The following ADAMTS2 variants were observed in gnomAD, a reference collection of about 807,000 sequenced individuals.
The protein encoded by ADAMTS2 is ADAM metallopeptidase with thrombospondin type 1 motif 2, also known as A disintegrin and metalloproteinase with thrombospondin motifs 2.
In ADAMTS2, 50 loss-of-function variants were observed where a neutral mutation model predicts 123.0. The ratio of observed to expected loss-of-function variants is 0.41; its 90% CI spans 0.32 to 0.51. The LOEUF is 0.51. ADAMTS2 is among the 20% of genes least tolerant of loss of function. The probability of loss-of-function intolerance (pLI) is 0.35; values close to 1 mark genes in which losing one functional copy is unlikely to be tolerated. For missense variants in ADAMTS2, 1,494 were observed against 1,705.2 expected, an observed-to-expected ratio of 0.88 and a Z score of 2.18; for synonymous variants, 678 against 695.4, an observed-to-expected ratio of 0.98 and a Z score of 0.39.
chr5:179,292,184 G>C (rs71611484), intron 2 of ADAMTS2, among the ~76,000 whole-genome samples: 13,173 of 151,926 alleles, frequency 0.087, 636 homozygotes, highest in East Asian at 0.15. Context: ...CGGCATTCCC[G>C]GGGGCAGAGA....
chr5:179,177,090 T>A (rs748098607), intron 5 of ADAMTS2, among the ~76,000 whole-genome samples: 1 of 152,200 alleles, frequency 6.6e-6, no homozygotes, highest in Non-Finnish European at 1.5e-5. Flanking sequence ...CTGGAAGCGG[T>A]CCCCTGAGGA....
rs1762570805 is a variant in ADAMTS2 at position 179,111,701 on chromosome 5, G to C, written c.*2166C>G. 6.6e-6 allele frequency: 1 copy of C among 152,260 alleles called. No homozygotes were observed. Among genetic ancestry groups the C allele is most frequent in the Non-Finnish European group, 1.5e-5 (1 of 68,058 alleles). 9.4% of individuals were successfully genotyped at this position (152,260 alleles called of 1,614,324 possible). ...GAGGCCCCTAGGCTGGGTAAACCGA[G>C]TCATACTCTCTGCCTAGCGTTAGTC... On this transcript the variant is annotated 3_prime_UTR_variant, in exon 22 of 22. Coordinates refer to ENST00000251582, the MANE Select transcript of ADAMTS2 (RefSeq NM_014244.5).
At chr5:179,258,981 C>T (rs1043500901) in intron 3 of ADAMTS2, among the ~76,000 whole-genome samples, 13 of 152,300 alleles carry the variant, frequency 8.5e-5, no homozygotes, top group East Asian at 7.7e-4. Flanking sequence ...TGATCCAGGC[C>T]GCAGTCTCTC....
intron 5 of ADAMTS2, among the ~76,000 whole-genome samples, chr5:179,167,525 C>T (rs1049291993): frequency 7.9e-5 from 12 of 152,244 alleles, no homozygotes; most frequent in Admixed American, 5.9e-4. Context: ...GTCAAGGAGA[C>T]GTGGGAGGAA....
chr5:179,140,787 C>T (rs571346023), intron 10 of ADAMTS2, among the ~76,000 whole-genome samples: 13 of 123,808 alleles, frequency 1.1e-4, no homozygotes, highest in Admixed American at 4.0e-4. Flanking sequence ...CCTTCAGTTC[C>T]GACTGCATGC....
At position 179,128,146 on chromosome 5, in the gene ADAMTS2, C is replaced by A; in HGVS notation, c.2458-28G>T. The A allele has an allele frequency of 6.2e-7, 1 of 1,610,870 alleles. No individual in the cohort carries two copies. Among genetic ancestry groups the A allele is most frequent in the Non-Finnish European group, 8.5e-7 (1 of 1,179,810 alleles). ...GTGCCAGCCCAAGAGCCTTGATGTG[C>A]CTGACCTGCCCTCCATGCTTCCTCC... On this transcript the variant is annotated intron_variant, in intron 16 of 21. Coordinates refer to ENST00000251582, the MANE Select transcript of ADAMTS2 (RefSeq NM_014244.5). This position sits in a 1 kb window ranked among gnomAD's most constrained non-coding sequence, Gnocchi z 4.9.
chr5:179,309,862 G>T (rs1441391580), intron 2 of ADAMTS2, among the ~76,000 whole-genome samples: 1 of 151,992 alleles, frequency 6.6e-6, no homozygotes, highest in Non-Finnish European at 1.5e-5. Context: ...CATAGGGGAG[G>T]AGCTCTGAGG....
intron 2 of ADAMTS2, among the ~76,000 whole-genome samples, chr5:179,330,529 GAGA>G (rs1757453965): frequency 6.6e-6 from 1 of 152,340 alleles, no homozygotes; most frequent in African/African-American, 2.4e-5. Flanking sequence ...GCTCTGCAAA[GAGA>G]AGAACGCAGC....
Position 179,225,112 on chromosome 5 carries a change from C to T in ADAMTS2, c.689-17397G>A, listed in dbSNP as rs760576114. ...AATCCTCACGCAGGGGCCTGAGGAACACTCCCTGGTTATCCACACGGCAAC... is the reference window on the plus strand; with the variant it reads ...AATCCTCACGCAGGGGCCTGAGGAATACTCCCTGGTTATCCACACGGCAAC... On this transcript the variant is annotated intron_variant, in intron 3 of 21. Coordinates refer to ENST00000251582, the MANE Select transcript of ADAMTS2 (RefSeq NM_014244.5). This position sits in a 1 kb window ranked among gnomAD's most constrained non-coding sequence, Gnocchi z 4.5. 3.3e-5 allele frequency among the ~76,000 whole-genome samples: 5 copies of T among 152,174 alleles called. No homozygotes were observed. The highest frequency in any genetic ancestry group is 7.3e-5 in the Non-Finnish European group (5 of 68,036).
chr5:179,344,273 C>A, intron 1 of ADAMTS2, 112 bp from the exon 2 acceptor site: 1 of 1,394,624 alleles, frequency 7.2e-7, no homozygotes, highest in Non-Finnish European at 9.7e-7. Context: ...AGGGAAGGGG[C>A]ATTCCGCCAG....
chr5:179,136,775 C>T (rs1489958780), intron 12 of ADAMTS2, among the ~76,000 whole-genome samples: 2 of 151,332 alleles, frequency 1.3e-5, no homozygotes, highest in South Asian at 4.2e-4. Context: ...TGGAGACCAT[C>T]CTGGCTAACA....
chr5:179,319,116 CACAT>C (rs1408102800), intron 2 of ADAMTS2, among the ~76,000 whole-genome samples: 5 of 152,152 alleles, frequency 3.3e-5, no homozygotes, highest in Non-Finnish European at 7.4e-5. Context: ...TGCATGCACC[CACAT>C]ACAAATGTCC....
At chr5:179,283,986 T>TTATTATTAC (rs1755924705) in intron 2 of ADAMTS2, among the ~76,000 whole-genome samples, 1 of 146,678 alleles carries the variant, frequency 6.8e-6, no homozygotes, top group African/African-American at 2.5e-5. Context: ...ATTATTATTA[T>TTATTATTAC]TATTTTGGAG....
At chr5:179,344,302 C>T in intron 1 of ADAMTS2, 141 bp from the exon 2 acceptor site, 2 of 1,137,362 alleles carry the variant, frequency 1.8e-6, no homozygotes, top group East Asian at 5.2e-5. Flanking sequence ...AGAAGCCAGC[C>T]TGCACCTCCC....
rs1338378968 is a variant in ADAMTS2, at chr5:179,136,521, T to C, written c.1952-479A>G. 3.3e-5 allele frequency among the ~76,000 whole-genome samples: 5 copies of C among 150,118 alleles called. No homozygotes were observed. The East Asian group carries it at 9.9e-4, about 30-fold the overall frequency. On this transcript the variant is annotated intron_variant, in intron 12 of 21. Transcript: ENST00000251582. ...CTCTACTAAAAATACAAAAATTAGC[T>C]GGGTGTGGTGGTGAGCGCCTGTAAT...
At chr5:179,325,854 G>A (rs923578918) in intron 2 of ADAMTS2, among the ~76,000 whole-genome samples, 1 of 150,978 alleles carries the variant, frequency 6.6e-6, no homozygotes, top group Middle Eastern at 3.4e-3. Flanking sequence ...GGGATGGCCT[G>A]TGGGAGGGAC....
At chr5:179,296,891 T>G (rs781718713) in intron 2 of ADAMTS2, among the ~76,000 whole-genome samples, 1 of 151,986 alleles carries the variant, frequency 6.6e-6, no homozygotes, top group Non-Finnish European at 1.5e-5. Context: ...CAGACTGAGA[T>G]GGAACAAACA....
intron 17 of ADAMTS2, 59 bp from the exon 18 acceptor site, chr5:179,126,189 A>G (rs1272495779): frequency 1.2e-6 from 2 of 1,607,842 alleles, no homozygotes; most frequent in African/African-American, 2.7e-5. Context: ...CGAGGGTGCA[A>G]GGAGGGGTGG....
At chr5:179,245,463 G>C (rs1195070007) in intron 3 of ADAMTS2, among the ~76,000 whole-genome samples, 1 of 152,156 alleles carries the variant, frequency 6.6e-6, no homozygotes, top group Non-Finnish European at 1.5e-5. Flanking sequence ...TGCACAGCAA[G>C]AACAGTACAA....
Sources: allele counts gnomAD v4.1 joint callset (sites outside exome capture counted in the v4.1 genomes callset), GRCh38; gene constraint gnomAD v4.1.1; non-coding constraint Gnocchi (gnomAD v3.1); transcripts MANE v1.5; gene names NCBI Gene and HGNC (gene_info 2026-07-23, HGNC 2026-07-21).